CYP2E1: variants seen among roughly 807,000 people sequenced by gnomAD.
CYP2E1 encodes cytochrome P450 2E1.
In CYP2E1, 31 loss-of-function variants were observed where a neutral mutation model predicts 42.9. The ratio of observed to expected loss-of-function variants is 0.72; its 90% CI spans 0.54 to 0.98. The LOEUF is 0.98. Among genes scored for constraint, CYP2E1 ranks in the 50% least tolerant of loss-of-function variants. CYP2E1 has a pLI of 0.00. For synonymous variants in CYP2E1, 244 were observed against 248.9 expected, an observed-to-expected ratio of 0.98 and a Z score of 0.19; for missense variants, 565 against 633.2, an observed-to-expected ratio of 0.89 and a Z score of 1.16.
At position 133,528,477 on chromosome 10, in the gene CYP2E1, G is replaced by A. The variant is rs369271672; in HGVS notation, c.178-4G>A. On this transcript the variant is annotated splice_polypyrimidine_tract_variant and splice_region_variant and intron_variant, in intron 1 of 8. Coordinates refer to ENST00000252945, the MANE Select transcript of CYP2E1 (RefSeq NM_000773.4). ...GCCTGACTTCTAGCCACGGGTCTCC[G>A]CAGTTGGCCCAGCGCTTCGGGCCGG... The A allele has an allele frequency of 5.6e-6, 9 of 1,612,398 alleles. No homozygotes were observed. In the South Asian group the frequency reaches 6.6e-5, roughly 12 times the overall value.
At position 133,531,566 on chromosome 10, in the gene CYP2E1, G is replaced by C; in HGVS notation, c.338-19G>C. On this transcript the variant is annotated intron_variant, in intron 2 of 8. Coordinates refer to ENST00000252945, the MANE Select transcript of CYP2E1 (RefSeq NM_000773.4). Reference sequence around the variant, plus strand: ...AAATGGGTATTTAGAATAACCTTCTGCTGGCCCCTCTGCCTTAGGAATCAT... The same window carrying C: ...AAATGGGTATTTAGAATAACCTTCTCCTGGCCCCTCTGCCTTAGGAATCAT... The C allele has an allele frequency of 6.2e-7, 1 of 1,613,902 alleles. No homozygotes were observed. Among genetic ancestry groups the C allele is most frequent in the Non-Finnish European group, 8.5e-7 (1 of 1,179,936 alleles).
intron 6 of CYP2E1, among the ~76,000 whole-genome samples, chr10:133,536,662 TAGG>T (rs1208580376): frequency 1.0e-5 from 1 of 96,856 alleles, no homozygotes; most frequent in African/African-American, 4.5e-5. Context: ...GATGGATGGA[TAGG>T]AGGGTGGATA....
rs756237171 is a variant in CYP2E1, at chr10:133,537,759, C to T, written c.1164C>T (p.Val388=). The T allele has an allele frequency of 6.1e-5, 98 of 1,613,276 alleles. No individual in the cohort carries two copies. Among genetic ancestry groups the T allele is most frequent in the Admixed American group, 1.2e-4 (7 of 59,950 alleles). ...GTCTTTGTTTCTCCTAGGGCACAGT[C>T]GTAGTGCCAACTCTGGACTCTGTTT... The part of the protein sequence containing the change: ...FRGYLIPKGT[V]VVPTLDSVLY... The change falls in exon 8 of 9, where the codon GTC becomes GTT. Residue 388 remains valine (V), a synonymous_variant. Transcript: ENST00000252945.
At chr10:133,528,774 A>G (rs1851303286) in intron 2 of CYP2E1, 134 bp downstream of exon 2, 1 of 1,213,660 alleles carries the variant, frequency 8.2e-7, no homozygotes, top group African/African-American at 1.5e-5. Context: ...GAAGGATGAG[A>G]TCAGGATTAG....
intron 4 of CYP2E1, 125 bp from the exon 5 acceptor site, chr10:133,532,567 C>A: frequency 1.0e-6 from 1 of 972,446 alleles, no homozygotes; most frequent in Non-Finnish European, 1.5e-6. Context: ...CACTGTTGAC[C>A]CAAAATATTC....
At chr10:133,531,837 G>A (rs940345224) in intron 3 of CYP2E1, 103 bp downstream of exon 3, 12 of 1,245,856 alleles carry the variant, frequency 9.6e-6, no homozygotes, top group Middle Eastern at 2.3e-4. Context: ...AGGGACCTAC[G>A]GACAAGGAGA....
At chr10:133,537,271 C>T (rs769467995) in intron 7 of CYP2E1, 21 bp downstream of exon 7, 2 of 1,609,650 alleles carry the variant, frequency 1.2e-6, no homozygotes, top group South Asian at 2.2e-5. Flanking sequence ...GAGCCTGCAG[C>T]ACACAGCATG....
At chr10:133,538,294 ATCAAAGCCTTCCT>A (rs1851430685) in intron 8 of CYP2E1, among the ~76,000 whole-genome samples, 1 of 152,168 alleles carries the variant, frequency 6.6e-6, no homozygotes, top group East Asian at 1.9e-4. Context: ...CACAGGAAGC[ATCAAAGCCTTCCT>A]GGGATGTGAC....
At chr10:133,534,058 G>A (rs1006645018) in intron 6 of CYP2E1, among the ~76,000 whole-genome samples, 161 bp downstream of exon 6, 2 of 152,146 alleles carry the variant, frequency 1.3e-5, no homozygotes, top group Non-Finnish European at 2.9e-5. Flanking sequence ...GAGGTGTTAT[G>A]GTCTGTGCTG....
In CYP2E1 at chr10:133,537,170, C is replaced by T. The variant is rs780820318; in HGVS notation, c.1075C>T (p.Arg359Trp). The T allele has an allele frequency of 7.4e-5, 119 of 1,613,954 alleles. No homozygotes were observed. The highest frequency in any genetic ancestry group is 8.8e-5 in the Non-Finnish European group (104 of 1,179,988). ...YMDAVVHEIQ[R>W]FITLVPSNLP... ...GGATGCTGTGGTGCATGAGATTCAGCGGTTCATCACCCTCGTGCCCTCCAA... is the reference window on the plus strand; with the variant it reads ...GGATGCTGTGGTGCATGAGATTCAGTGGTTCATCACCCTCGTGCCCTCCAA... Residue 359 changes from arginine (R) to tryptophan (W), a missense_variant, in exon 7 of 9, where the codon CGG becomes TGG. By Grantham distance (101) the Arg-to-Trp change is moderately radical. Coordinates refer to ENST00000252945, the MANE Select transcript of CYP2E1 (RefSeq NM_000773.4).
At chr10:133,534,323 G>A (rs910884950) in intron 6 of CYP2E1, among the ~76,000 whole-genome samples, 12 of 151,734 alleles carry the variant, frequency 7.9e-5, no homozygotes, top group Non-Finnish European at 5.9e-5. Flanking sequence ...AAATGCGGAC[G>A]TGAGGAGGGA....
At position 133,532,169 on chromosome 10, in the gene CYP2E1, A is replaced by G. The variant is rs1272538462; in HGVS notation, c.533A>G (p.Asn178Ser). 10 of 1,613,890 alleles carry G rather than the reference A, an allele frequency of 6.2e-6. No individual in the cohort carries two copies. In the Admixed American group the frequency reaches 8.3e-5, roughly 13 times the overall value. Residue 178 changes from asparagine to serine, a missense_variant, in exon 4 of 9, where the codon AAC (asparagine) becomes AGC (serine). Transcript: ENST00000252945. ...PTFLIGCAPC[N>S]VIADILFRKH... ...TTCCTCATCGGCTGCGCGCCCTGCAACGTCATAGCCGACATCCTCTTCCGC... is the reference window on the plus strand; with the variant it reads ...TTCCTCATCGGCTGCGCGCCCTGCAGCGTCATAGCCGACATCCTCTTCCGC...
chr10:133,531,851 T>C, intron 3 of CYP2E1, 117 bp downstream of exon 3: 1 of 1,069,984 alleles, frequency 9.3e-7, no homozygotes, highest in South Asian at 1.6e-5. Context: ...AAGGAGAGGG[T>C]CTCGTGAGTC....
chr10:133,538,989 C>T lies in CYP2E1; in HGVS notation c.*25C>T, dbSNP rs1457856820. On this transcript the variant is annotated 3_prime_UTR_variant, in exon 9 of 9. Coordinates refer to ENST00000252945, the MANE Select transcript of CYP2E1 (RefSeq NM_000773.4). Reference sequence around the variant, plus strand: ...AGTGTGTGGAGGACACCCTGAACCCCCCGCTTTCAAACAAGTTTTCAAATT... The same window carrying T: ...AGTGTGTGGAGGACACCCTGAACCCTCCGCTTTCAAACAAGTTTTCAAATT... The T allele has an allele frequency of 1.3e-6, 2 of 1,536,660 alleles. No homozygotes were observed. The highest frequency in any genetic ancestry group is 1.8e-6 in the Non-Finnish European group (2 of 1,140,040).
intron 5 of CYP2E1, among the ~76,000 whole-genome samples, chr10:133,533,444 G>T (rs1251830653): frequency 6.6e-6 from 1 of 152,224 alleles, no homozygotes; most frequent in African/African-American, 2.4e-5. Context: ...TAGCAGGAGG[G>T]GTTAGCAGGA....
At chr10:133,535,445 G>A (rs571858272) in intron 6 of CYP2E1, among the ~76,000 whole-genome samples, 2 of 152,288 alleles carry the variant, frequency 1.3e-5, no homozygotes, top group East Asian at 1.9e-4. Context: ...GGTTACAGGT[G>A]TGGCCACCGT....
At chr10:133,534,623 G>A (rs1041122959) in intron 6 of CYP2E1, among the ~76,000 whole-genome samples, 3 of 152,310 alleles carry the variant, frequency 2.0e-5, no homozygotes, top group Non-Finnish European at 2.9e-5. Context: ...CCTGCCTCTC[G>A]CTGGGCTGGA....
At chr10:133,528,321 G>T in intron 1 of CYP2E1, 160 bp from the exon 2 acceptor site, 5 of 791,392 alleles carry the variant, frequency 6.3e-6, no homozygotes, top group Non-Finnish European at 9.8e-6. Flanking sequence ...CTCTTGAGGG[G>T]AGGGTCTCCC....
At chr10:133,528,456 G>T in intron 1 of CYP2E1, 25 bp from the exon 2 acceptor site, 1 of 1,610,230 alleles carries the variant, frequency 6.2e-7, no homozygotes, top group South Asian at 1.1e-5. Context: ...CGGCGGGCCT[G>T]ACTTCTAGCC....
Sources: allele counts gnomAD v4.1 joint callset (sites outside exome capture counted in the v4.1 genomes callset), GRCh38; gene constraint gnomAD v4.1.1; transcripts MANE v1.5; gene names NCBI Gene and HGNC (gene_info 2026-07-23, HGNC 2026-07-21).